Variants in BCR observed in about 807,000 individuals in gnomAD.
BCR encodes the protein breakpoint cluster region protein.
In BCR, 58 loss-of-function variants were observed where a neutral mutation model predicts 138.6. That is an observed-to-expected ratio of 0.42 (90% CI 0.34 to 0.52). BCR has a LOEUF of 0.52. BCR is among the 20% of genes least tolerant of loss of function. The pLI is 0.06. For synonymous variants in BCR, 786 were observed against 730.1 expected (o/e 1.08, Z -1.23); for missense variants, 1,599 against 1,727.2 (o/e 0.93, Z 1.32).
Position 23,192,297 on chromosome 22 carries a change from G to A in BCR, c.1279+10058G>A, listed in dbSNP as rs542956132. Among the ~76,000 whole-genome samples, 10 of 152,316 alleles carry A rather than the reference G, an allele frequency of 6.6e-5. No homozygotes were observed. The South Asian group carries it at 2.1e-3, about 32-fold the overall frequency. ...TCAAGTGGTTGGTGGAGGGGCTGGC[G>A]CTGCCTCTCTCCTCAGACTGAGTGG... is the stretch of plus-strand genomic sequence containing the variant. On this transcript the variant is annotated intron_variant, in intron 1 of 22. Coordinates refer to ENST00000305877, the MANE Select transcript of BCR (RefSeq NM_004327.4).
At chr22:23,230,143 C>A (rs1369824740) in intron 1 of BCR, among the ~76,000 whole-genome samples, 2 of 151,102 alleles carry the variant, frequency 1.3e-5, no homozygotes, top group African/African-American at 4.9e-5. Flanking sequence ...AACTGGAAAA[C>A]CAGAAAAATC....
At chr22:23,305,869 G>A (rs1987585328) in intron 16 of BCR, among the ~76,000 whole-genome samples, 1 of 152,114 alleles carries the variant, frequency 6.6e-6, no homozygotes, top group African/African-American at 2.4e-5. Context: ...GACAGCATCC[G>A]GAGTGCCTCG....
chr22:23,297,088 C>T (rs529308198), intron 16 of BCR, among the ~76,000 whole-genome samples: 5 of 152,142 alleles, frequency 3.3e-5, no homozygotes, highest in African/African-American at 9.6e-5. Context: ...CCCAGGCTGG[C>T]GTGCAATGGC....
intron 1 of BCR, among the ~76,000 whole-genome samples, chr22:23,195,127 A>G (rs2146203858): frequency 6.6e-6 from 1 of 151,864 alleles, no homozygotes; most frequent in South Asian, 2.1e-4. Flanking sequence ...AAATACAAAA[A>G]TGAGCTGAGC....
At chr22:23,185,889 C>CA (rs1190988785) in intron 1 of BCR, among the ~76,000 whole-genome samples, 2 of 151,830 alleles carry the variant, frequency 1.3e-5, no homozygotes, top group Admixed American at 6.6e-5. Flanking sequence ...CCACCACACC[C>CA]AGCTAATTTT....
intron 1 of BCR, among the ~76,000 whole-genome samples, chr22:23,233,789 CAAAAAAAAA>C (rs59819093): frequency 0.013 from 897 of 70,096 alleles, 5 homozygotes; most frequent in African/African-American, 0.043. Context: ...GACCCTGTCT[CAAAAAAAAA>C]AAAAAGAAAA....
chr22:23,211,488 C>T (rs1049947306), intron 1 of BCR, among the ~76,000 whole-genome samples: 6 of 148,208 alleles, frequency 4.0e-5, no homozygotes, highest in Admixed American at 6.8e-5. Context: ...GTGACCACTG[C>T]GCCCGGCCCT....
At chr22:23,247,269 C>T (rs760616387) in intron 1 of BCR, among the ~76,000 whole-genome samples, 9 of 152,164 alleles carry the variant, frequency 5.9e-5, no homozygotes, top group Non-Finnish European at 1.2e-4. Flanking sequence ...TCCACCACAG[C>T]TGGCCGAGCC....
chr22:23,298,098 G>A (rs1170447120), intron 16 of BCR, among the ~76,000 whole-genome samples: 2 of 152,192 alleles, frequency 1.3e-5, no homozygotes, highest in African/African-American at 2.4e-5. Context: ...GGAAGGCCTA[G>A]AAATGGGCTC....
At chr22:23,277,254 T>G (rs1430303726) in intron 8 of BCR, among the ~76,000 whole-genome samples, 1 of 152,202 alleles carries the variant, frequency 6.6e-6, no homozygotes, top group African/African-American at 2.4e-5. Flanking sequence ...GTGATCTCCC[T>G]TTTACAGATG....
chr22:23,287,283 G>A lies in BCR; in HGVS notation c.2526+5G>A. On this transcript the variant is annotated splice_donor_5th_base_variant and intron_variant, in intron 11 of 22. Transcript: ENST00000305877. ...GTGCACAGCCGCAACGGCAAGGTGAGCGCCTGCTGTTCCGGCCCCTCCTGC... is the reference window on the plus strand; with the variant it reads ...GTGCACAGCCGCAACGGCAAGGTGAACGCCTGCTGTTCCGGCCCCTCCTGC... 1 of 1,538,818 alleles carries A rather than the reference G, an allele frequency of 6.5e-7. No individual in the cohort carries two copies. Among genetic ancestry groups the A allele is most frequent in the Non-Finnish European group, 8.8e-7 (1 of 1,140,422 alleles).
At chr22:23,235,628 C>T (rs1422167148) in intron 1 of BCR, among the ~76,000 whole-genome samples, 2 of 152,110 alleles carry the variant, frequency 1.3e-5, no homozygotes, top group Non-Finnish European at 2.9e-5. Flanking sequence ...GTGTGCATGT[C>T]AGATTTTTTC....
chr22:23,262,949 G>A, intron 4 of BCR: 1 of 1,069,928 alleles, frequency 9.3e-7, no homozygotes, highest in Non-Finnish European at 1.2e-6. Flanking sequence ...GAAGCGTGGA[G>A]GAAGGGGCGA....
intron 16 of BCR, among the ~76,000 whole-genome samples, chr22:23,301,321 C>A (rs901124414): frequency 5.3e-5 from 8 of 152,258 alleles, no homozygotes; most frequent in East Asian, 1.9e-4. Flanking sequence ...ACAGAAAAAA[C>A]CTGAAGAAAT....
At chr22:23,256,507 G>C (rs184641720) in intron 2 of BCR, among the ~76,000 whole-genome samples, 12 of 152,298 alleles carry the variant, frequency 7.9e-5, no homozygotes, top group Admixed American at 7.2e-4. Flanking sequence ...CAGGTTCTTG[G>C]GGTGTTCGCC....
At chr22:23,301,851 G>A (rs1568981769) in intron 16 of BCR, among the ~76,000 whole-genome samples, 3 of 152,180 alleles carry the variant, frequency 2.0e-5, no homozygotes, top group African/African-American at 2.4e-5. Context: ...GGATGGCCTC[G>A]CTCACTCAAA....
chr22:23,201,573 T>C (rs1249036506), intron 1 of BCR, among the ~76,000 whole-genome samples: 1 of 152,192 alleles, frequency 6.6e-6, no homozygotes, highest in Non-Finnish European at 1.5e-5. Flanking sequence ...TTCTCCTGCC[T>C]CCGCCTCCTG....
chr22:23,254,629 C>G, intron 2 of BCR: 1 of 517,846 alleles, frequency 1.9e-6, no homozygotes, highest in South Asian at 1.4e-5. Flanking sequence ...GCTGGACCGC[C>G]CGGCCCTGCA....
chr22:23,182,622 T>C (rs1480795266), intron 1 of BCR, among the ~76,000 whole-genome samples: 1 of 152,224 alleles, frequency 6.6e-6, no homozygotes, highest in Non-Finnish European at 1.5e-5. Context: ...CGGAGTCATC[T>C]CTAGCGCCCA....
Sources: allele counts gnomAD v4.1 joint callset (sites outside exome capture counted in the v4.1 genomes callset), GRCh38; gene constraint gnomAD v4.1.1; transcripts MANE v1.5; gene names NCBI Gene and HGNC (gene_info 2026-07-23, HGNC 2026-07-21).